SNTG1: variants seen among roughly 807,000 people sequenced by gnomAD.
SNTG1 encodes the protein syntrophin gamma 1, also known as gamma-1-syntrophin.
In SNTG1, 39 loss-of-function variants were observed where a neutral mutation model predicts 74.7. That is an observed-to-expected ratio of 0.52 (90% CI 0.40 to 0.68). The LOEUF (loss-of-function observed/expected upper bound fraction) is 0.68, where lower values mean the gene tolerates loss of function less well. Ranked by LOEUF, SNTG1 falls within the 30% of genes least tolerant of loss-of-function variation. SNTG1 has a pLI of 0.00. For synonymous variants in SNTG1, 254 were observed against 217.1 expected, an observed-to-expected ratio of 1.17 and a Z score of -1.49; for missense variants, 685 against 609.5, an observed-to-expected ratio of 1.12 and a Z score of -1.30.
chr8:50,548,276 A>G (rs1227318383), intron 11 of SNTG1, among the ~76,000 whole-genome samples: 1 of 152,198 alleles, frequency 6.6e-6, no homozygotes, highest in Non-Finnish European at 1.5e-5. Context: ...TGTGTGGATG[A>G]ACAGGAAGCT....
chr8:50,718,121 T>G (rs976338769), intron 17 of SNTG1, among the ~76,000 whole-genome samples: 4 of 152,116 alleles, frequency 2.6e-5, no homozygotes, highest in African/African-American at 9.7e-5. Context: ...CAAACTAGAT[T>G]AATGGGCCAT....
chr8:49,977,271 CTG>C (rs922036788), intron 1 of SNTG1, among the ~76,000 whole-genome samples: 5 of 148,498 alleles, frequency 3.4e-5, no homozygotes, highest in African/African-American at 1.0e-4. Context: ...ATAATTTAGA[CTG>C]TTTTTTTTTC....
At chr8:50,535,812 T>A (rs1475580083) in intron 10 of SNTG1, among the ~76,000 whole-genome samples, 1 of 152,202 alleles carries the variant, frequency 6.6e-6, no homozygotes, top group Non-Finnish European at 1.5e-5. Context: ...TAGAATCTTC[T>A]TCCAACACTA....
chr8:50,340,728 T>C (rs1399186713), intron 2 of SNTG1, among the ~76,000 whole-genome samples: 1 of 151,822 alleles, frequency 6.6e-6, no homozygotes, highest in Non-Finnish European at 1.5e-5. Flanking sequence ...AACTGAAAAA[T>C]TGGACTTCCT....
chr8:50,306,687 A>G (rs1229240873), intron 2 of SNTG1, among the ~76,000 whole-genome samples: 1 of 151,512 alleles, frequency 6.6e-6, no homozygotes, highest in Non-Finnish European at 1.5e-5. Flanking sequence ...AGCCATTTTT[A>G]TATCTTTTTT....
At chr8:50,322,352 G>C (rs2090565336) in intron 2 of SNTG1, among the ~76,000 whole-genome samples, 1 of 152,076 alleles carries the variant, frequency 6.6e-6, no homozygotes, top group Admixed American at 6.5e-5. Context: ...AGTATACCAT[G>C]TCAGTCTCTC....
At chr8:50,544,476 A>G (rs2094371627) in intron 11 of SNTG1, among the ~76,000 whole-genome samples, 1 of 151,776 alleles carries the variant, frequency 6.6e-6, no homozygotes, top group African/African-American at 2.4e-5. Context: ...TAATATTTCT[A>G]TTAAGAGAAT....
chr8:50,350,551 G>A (rs984139581), intron 2 of SNTG1, among the ~76,000 whole-genome samples: 1 of 151,338 alleles, frequency 6.6e-6, no homozygotes, highest in African/African-American at 2.5e-5. Flanking sequence ...AGCTACTCTG[G>A]TGGGGACTTG....
At chr8:49,938,603 T>TTTTTTTTTTTTCTTTCTTTCTTTC (rs1554524905) in intron 1 of SNTG1, among the ~76,000 whole-genome samples, 1 of 74,754 alleles carries the variant, frequency 1.3e-5, no homozygotes, top group South Asian at 6.0e-4. Flanking sequence ...TTTTCTTTTC[T>TTTTTTTTTTTTCTTTCTTTCTTTC]TTTCTTTCTT....
intron 4 of SNTG1, among the ~76,000 whole-genome samples, chr8:50,412,793 G>A (rs1416215497): frequency 6.6e-6 from 1 of 152,160 alleles, no homozygotes; most frequent in Non-Finnish European, 1.5e-5. Context: ...CTGTTAAAAA[G>A]CATGCCATAA....
chr8:50,711,113 G>T (rs1398990567), intron 17 of SNTG1, among the ~76,000 whole-genome samples: 2 of 152,184 alleles, frequency 1.3e-5, no homozygotes, highest in Non-Finnish European at 2.9e-5. Context: ...GAGCTGGGCT[G>T]ACTGCAAGAA....
At chr8:50,360,392 TC>T (rs1264924195) in intron 2 of SNTG1, among the ~76,000 whole-genome samples, 2 of 152,200 alleles carry the variant, frequency 1.3e-5, no homozygotes, top group African/African-American at 4.8e-5. Flanking sequence ...TTTTGGGTTT[TC>T]TTTTGTCTTG....
intron 2 of SNTG1, among the ~76,000 whole-genome samples, chr8:50,200,397 T>C (rs2083938698): frequency 6.6e-6 from 1 of 152,096 alleles, no homozygotes; most frequent in Non-Finnish European, 1.5e-5. Flanking sequence ...AGAAAGTAAA[T>C]GATCATAGAA....
rs565608129 is a variant in SNTG1, at chr8:50,072,407, G to A, written c.-102-100154G>A. Among the ~76,000 whole-genome samples, 22 of 152,208 alleles carry A rather than the reference G, an allele frequency of 1.4e-4. No individual in the cohort carries two copies. In the East Asian group the frequency reaches 1.5e-3, roughly 11 times the overall value. On this transcript the variant is annotated intron_variant, in intron 1 of 18. Coordinates refer to ENST00000642720, the MANE Select transcript of SNTG1 (RefSeq NM_018967.5). ...AAAATTGAATATGAGTTATTCTTTA[G>A]GAGGAAGACACTAAATAAACATTAA...
In SNTG1 at chr8:50,389,548, G is replaced by T. The variant is rs934394775; in HGVS notation, c.-27-4664G>T. Among the ~76,000 whole-genome samples, 53 of 152,148 alleles carry T rather than the reference G, an allele frequency of 3.5e-4. 1 individual carries two copies. The highest frequency in any genetic ancestry group is 1.2e-4 in the Non-Finnish European group (8 of 68,032). The stretch of plus-strand genomic sequence containing the variant: ...AAATAATGCCACAATAAACATACGT[G>T]TGCATGTGTCTTTATAGCAGCATGA... On this transcript the variant is annotated intron_variant, in intron 2 of 18. Transcript: ENST00000642720.
intron 4 of SNTG1, among the ~76,000 whole-genome samples, chr8:50,417,982 C>T (rs145770822): frequency 1.3e-5 from 2 of 152,170 alleles, no homozygotes; most frequent in East Asian, 3.9e-4. Flanking sequence ...ATCAAATGCT[C>T]ATTTTCCACT....
intron 1 of SNTG1, among the ~76,000 whole-genome samples, chr8:50,142,797 T>G (rs2081715006): frequency 6.6e-6 from 1 of 152,140 alleles, no homozygotes; most frequent in Non-Finnish European, 1.5e-5. Flanking sequence ...CCATGACCAG[T>G]GTGGTGGCTT....
At chr8:50,075,402 G>A (rs772148158) in intron 1 of SNTG1, among the ~76,000 whole-genome samples, 23 of 152,288 alleles carry the variant, frequency 1.5e-4, no homozygotes, top group Non-Finnish European at 2.8e-4. Flanking sequence ...TCTAGCTCTG[G>A]GTTCATGTAT....
chr8:50,593,822 A>C (rs1563623306), intron 13 of SNTG1, among the ~76,000 whole-genome samples: 1 of 151,198 alleles, frequency 6.6e-6, no homozygotes, highest in Non-Finnish European at 1.5e-5. Context: ...GGTTCGAGCG[A>C]TTCTCCTGCC....
Sources: gnomAD v4.1 joint callset for allele counts (sites outside exome capture counted in the v4.1 genomes callset) on GRCh38, gnomAD v4.1.1 for gene constraint, MANE v1.5 for transcripts, NCBI Gene and HGNC (gene_info 2026-07-23, HGNC 2026-07-21) for gene names.